Variants in ROBO1 observed in about 807,000 individuals in gnomAD.
ROBO1 encodes roundabout guidance receptor 1.
ROBO1 carries 149 observed loss-of-function variants against 195.9 expected under a neutral mutation model. That is an observed-to-expected ratio of 0.76 (90% confidence interval 0.67 to 0.87). The LOEUF (loss-of-function observed/expected upper bound fraction) is 0.87. Among genes scored for constraint, ROBO1 ranks in the 40% least tolerant of loss-of-function variants. The probability of loss-of-function intolerance (pLI) is 0.00; values close to 1 mark genes in which losing one functional copy is unlikely to be tolerated. For synonymous variants in ROBO1, 816 were observed against 733.2 expected (o/e 1.11, Z -1.82); for missense variants, 1,933 against 2,068.3 (o/e 0.93, Z 1.27).
At chr3:79,232,556 A>G (rs979242311) in intron 2 of ROBO1, among the ~76,000 whole-genome samples, 3 of 151,956 alleles carry the variant, frequency 2.0e-5, no homozygotes. Flanking sequence ...GGGCAAGATT[A>G]AAGGAAAAAG....
At chr3:78,633,140 T>C (rs1161860143) in intron 24 of ROBO1, among the ~76,000 whole-genome samples, 1 of 152,196 alleles carries the variant, frequency 6.6e-6, no homozygotes, top group African/African-American at 2.4e-5. Context: ...AGAACAACTT[T>C]AATCCAGTTG....
At chr3:79,066,890 A>T (rs2079011901) in intron 3 of ROBO1, among the ~76,000 whole-genome samples, 1 of 151,992 alleles carries the variant, frequency 6.6e-6, no homozygotes, top group Non-Finnish European at 1.5e-5. Context: ...TTTACTCCAA[A>T]GTTGGATGAA....
At chr3:78,638,097 A>T (rs1161070449) in intron 22 of ROBO1, among the ~76,000 whole-genome samples, 1 of 151,862 alleles carries the variant, frequency 6.6e-6, no homozygotes, top group Non-Finnish European at 1.5e-5. Flanking sequence ...AATTTTAGCA[A>T]GATAATTTAC....
At chr3:78,658,089 T>A (rs1707151479) in intron 17 of ROBO1, among the ~76,000 whole-genome samples, 1 of 152,230 alleles carries the variant, frequency 6.6e-6, no homozygotes, top group Non-Finnish European at 1.5e-5. Context: ...CCTGATTAAC[T>A]TGGCTAATAA....
chr3:78,607,851 T>C (rs1703556294), intron 28 of ROBO1, among the ~76,000 whole-genome samples: 1 of 152,172 alleles, frequency 6.6e-6, no homozygotes, highest in Admixed American at 6.5e-5. Context: ...ATCTCAAACC[T>C]AGATATAATC....
At chr3:79,480,921 T>G (rs1048489049) in intron 2 of ROBO1, among the ~76,000 whole-genome samples, 1 of 152,148 alleles carries the variant, frequency 6.6e-6, no homozygotes, top group South Asian at 2.1e-4. Flanking sequence ...AAGCATAATA[T>G]AGCAATTTCT....
chr3:79,700,426 T>G (rs1228639275), intron 1 of ROBO1, among the ~76,000 whole-genome samples: 1 of 151,668 alleles, frequency 6.6e-6, no homozygotes, highest in Non-Finnish European at 1.5e-5. Context: ...TAGTTCCGTT[T>G]CAAGTTATTT....
chr3:79,329,144 A>T (rs73125242), intron 2 of ROBO1, among the ~76,000 whole-genome samples: 16,565 of 152,214 alleles, frequency 0.11, 906 homozygotes, highest in Middle Eastern at 0.14. Context: ...TTTTGTCAAA[A>T]GCTATTTTCT....
chr3:79,413,061 T>C (rs2037847414), intron 2 of ROBO1, among the ~76,000 whole-genome samples: 2 of 151,600 alleles, frequency 1.3e-5, no homozygotes, highest in South Asian at 2.1e-4. Flanking sequence ...AATATTGTTA[T>C]GCTTCCAAGA....
chr3:79,169,908 G>A (rs960882723), intron 2 of ROBO1, among the ~76,000 whole-genome samples: 24 of 151,952 alleles, frequency 1.6e-4, no homozygotes, highest in African/African-American at 5.3e-4. Flanking sequence ...AACTTAAAGA[G>A]GTAAATTTTA....
chr3:79,381,178 G>A (rs2036554776), intron 2 of ROBO1, among the ~76,000 whole-genome samples: 2 of 151,802 alleles, frequency 1.3e-5, no homozygotes, highest in Non-Finnish European at 1.5e-5. Context: ...CCAACATGGC[G>A]AAACCCCGTC....
chr3:79,450,589 G>C (rs1315215479), intron 2 of ROBO1, among the ~76,000 whole-genome samples: 2 of 151,992 alleles, frequency 1.3e-5, no homozygotes, highest in Non-Finnish European at 2.9e-5. Context: ...AAACTAAATA[G>C]AGCACTTTGA....
At chr3:79,237,105 A>G (rs1296059291) in intron 2 of ROBO1, among the ~76,000 whole-genome samples, 1 of 152,232 alleles carries the variant, frequency 6.6e-6, no homozygotes, top group African/African-American at 2.4e-5. Flanking sequence ...CAAGAAAAGC[A>G]AGCAAGTAGA....
At chr3:79,007,360 G>C (rs184095140) in intron 3 of ROBO1, among the ~76,000 whole-genome samples, 74 of 152,134 alleles carry the variant, frequency 4.9e-4, no homozygotes, top group Non-Finnish European at 7.4e-4. Context: ...AGAAAGTAAT[G>C]AGGAAAGAAT....
chr3:79,030,239 C>T (rs2078270597), intron 3 of ROBO1, among the ~76,000 whole-genome samples: 1 of 152,138 alleles, frequency 6.6e-6, no homozygotes, highest in South Asian at 2.1e-4. Flanking sequence ...TCTGCAATGT[C>T]CAGAGACATT....
chr3:79,068,943 A>T (rs1398287386), intron 3 of ROBO1, among the ~76,000 whole-genome samples: 1 of 151,620 alleles, frequency 6.6e-6, no homozygotes, highest in African/African-American at 2.4e-5. Flanking sequence ...TCTTCCCTTT[A>T]TCCTAAATTT....
intron 5 of ROBO1, among the ~76,000 whole-genome samples, chr3:78,739,831 A>C (rs775318996): frequency 2.6e-5 from 4 of 152,192 alleles, no homozygotes; most frequent in Admixed American, 6.5e-5. Flanking sequence ...AAATCATTGA[A>C]CATTAAAAAC....
intron 14 of ROBO1, among the ~76,000 whole-genome samples, chr3:78,663,010 A>G (rs984975537): frequency 1.3e-5 from 2 of 152,134 alleles, no homozygotes; most frequent in African/African-American, 4.8e-5. Context: ...GGAAGTGAAG[A>G]AAATGTTTTT....
chr3:78,670,589 T>C (rs1575889029), intron 10 of ROBO1: 5 of 334,600 alleles, frequency 1.5e-5, no homozygotes, highest in Admixed American at 4.6e-5. Context: ...GATGGTGAAG[T>C]AGATACAGAG....
Sources: allele counts gnomAD v4.1 joint callset (sites outside exome capture counted in the v4.1 genomes callset), GRCh38; gene constraint gnomAD v4.1.1; transcripts MANE v1.5; gene names NCBI Gene and HGNC (gene_info 2026-07-23, HGNC 2026-07-21).